Variants in SEMA3A observed in about 807,000 individuals in gnomAD.
SEMA3A encodes semaphorin 3A.
A neutral mutation model predicts 97.9 loss-of-function variants in SEMA3A; 29 were observed. That is an observed-to-expected ratio of 0.30 (90% confidence interval 0.22 to 0.40). The LOEUF is 0.40. Ranked by LOEUF, SEMA3A falls within the 10% of genes least tolerant of loss-of-function variation. The probability of loss-of-function intolerance (pLI) is 1.00; values close to 1 mark genes in which losing one functional copy is unlikely to be tolerated. For missense variants in SEMA3A, 763 were observed against 951.3 expected (o/e 0.80, Z 2.60); for synonymous variants, 321 against 323.7 (o/e 0.99, Z 0.09).
At chr7:84,200,776 G>T (rs578047665) in intron 3 of SEMA3A, among the ~76,000 whole-genome samples, 116 of 145,006 alleles carry the variant, frequency 8.0e-4, no homozygotes, top group African/African-American at 2.8e-3. Flanking sequence ...GTGAAACACT[G>T]AAAATACCTG....
intron 5 of SEMA3A, among the ~76,000 whole-genome samples, chr7:84,051,742 A>C (rs1430889250): frequency 6.6e-6 from 1 of 152,028 alleles, no homozygotes; most frequent in Non-Finnish European, 1.5e-5. Context: ...AACTTCCAAC[A>C]CTATGTTGAA....
chr7:84,153,317 T>C lies in SEMA3A; in HGVS notation c.113-18366A>G, dbSNP rs139625366. On this transcript the variant is annotated intron_variant, in intron 1 of 16. Coordinates refer to ENST00000265362, the MANE Select transcript of SEMA3A (RefSeq NM_006080.3). ...AGGCCTGTCATCCACATACATACAG[T>C]TGGTTATCATCTTTGTAGACATCAA... Among the ~76,000 whole-genome samples the C allele has an allele frequency of 2.6e-5, 4 of 152,246 alleles. No individual in the cohort carries two copies. In the East Asian group the frequency reaches 7.7e-4, roughly 29 times the overall value.
At chr7:84,089,708 A>T (rs1432190600) in intron 4 of SEMA3A, among the ~76,000 whole-genome samples, 1 of 152,050 alleles carries the variant, frequency 6.6e-6, no homozygotes, top group African/African-American at 2.4e-5. Flanking sequence ...TAATTATACA[A>T]TTCTAAAGGA....
At chr7:84,043,109 T>A (rs1162252189) in intron 6 of SEMA3A, among the ~76,000 whole-genome samples, 1 of 152,022 alleles carries the variant, frequency 6.6e-6, no homozygotes, top group Non-Finnish European at 1.5e-5. Context: ...TAAAACATTG[T>A]TATAACATTT....
chr7:84,487,657 T>G (rs1009040082), intron 1 of SEMA3A, among the ~76,000 whole-genome samples: 3 of 152,180 alleles, frequency 2.0e-5, no homozygotes, highest in African/African-American at 7.2e-5. Flanking sequence ...TGTGGATCTC[T>G]TTGACTAATG....
intron 2 of SEMA3A, among the ~76,000 whole-genome samples, chr7:84,370,967 C>A (rs1217680602): frequency 6.7e-6 from 1 of 149,634 alleles, no homozygotes; most frequent in South Asian, 2.1e-4. Flanking sequence ...GAACATATAA[C>A]CATATAGAAC....
chr7:84,370,406 C>T (rs1395747722), intron 2 of SEMA3A, among the ~76,000 whole-genome samples: 2 of 151,458 alleles, frequency 1.3e-5, no homozygotes, highest in Non-Finnish European at 3.0e-5. Flanking sequence ...AGTTTCCTTC[C>T]AGATTTATAT....
At position 84,135,590 on chromosome 7, in the gene SEMA3A, C is replaced by T. The variant is rs116987151; in HGVS notation, c.113-639G>A. Among the ~76,000 whole-genome samples, 201 of 152,228 alleles carry T rather than the reference C, an allele frequency of 1.3e-3. 1 individual carries two copies. The East Asian group carries it at 0.016, about 12-fold the overall frequency. On this transcript the variant is annotated intron_variant, in intron 1 of 16. Transcript: ENST00000265362. ...TTGTGTATAAATGTATTTAATTTTACAAAAACTTTTTAAAAGTGGTTTCAT... is the reference window on the plus strand; with the variant it reads ...TTGTGTATAAATGTATTTAATTTTATAAAAACTTTTTAAAAGTGGTTTCAT...
intron 2 of SEMA3A, among the ~76,000 whole-genome samples, chr7:84,324,856 C>T (rs967373445): frequency 2.6e-5 from 4 of 152,088 alleles, no homozygotes; most frequent in Non-Finnish European, 5.9e-5. Context: ...ATTCTTTCAA[C>T]ATTCAACAAA....
At chr7:84,220,553 A>T (rs1486088120) in intron 3 of SEMA3A, among the ~76,000 whole-genome samples, 1 of 152,166 alleles carries the variant, frequency 6.6e-6, no homozygotes, top group Non-Finnish European at 1.5e-5. Flanking sequence ...CTTAACTAAT[A>T]AGACTTGAAA....
chr7:84,027,770 C>G (rs1186440229), intron 6 of SEMA3A, among the ~76,000 whole-genome samples: 1 of 152,054 alleles, frequency 6.6e-6, no homozygotes, highest in Non-Finnish European at 1.5e-5. Flanking sequence ...TGACCATGAG[C>G]AAGTTAACAT....
intron 6 of SEMA3A, 118 bp from the exon 7 acceptor site, chr7:84,014,469 T>A (rs900368691): frequency 1.1e-5 from 8 of 729,266 alleles, no homozygotes; most frequent in Middle Eastern, 3.7e-4. Context: ...AACGTATCTT[T>A]CGTTTGTTCA....
At chr7:84,017,785 A>G (rs1291902795) in intron 6 of SEMA3A, among the ~76,000 whole-genome samples, 2 of 151,810 alleles carry the variant, frequency 1.3e-5, no homozygotes, top group African/African-American at 2.4e-5. Context: ...AAGTGTATTC[A>G]TCCCCTCACT....
At chr7:84,123,216 A>G (rs1017645279) in intron 3 of SEMA3A, among the ~76,000 whole-genome samples, 1 of 152,302 alleles carries the variant, frequency 6.6e-6, no homozygotes, top group South Asian at 2.1e-4. Context: ...ATCCATCAAT[A>G]GAAATGTTAC....
chr7:84,222,913 A>C (rs560819387), intron 3 of SEMA3A, among the ~76,000 whole-genome samples: 2 of 152,042 alleles, frequency 1.3e-5, no homozygotes, highest in African/African-American at 4.8e-5. Flanking sequence ...GTAGAACATA[A>C]TTATCTGTTC....
intron 1 of SEMA3A, among the ~76,000 whole-genome samples, chr7:84,168,014 T>C (rs1395761076): frequency 2.0e-5 from 3 of 152,144 alleles, no homozygotes; most frequent in African/African-American, 7.2e-5. Flanking sequence ...ATATTTACTG[T>C]TTTCATTCCT....
chr7:84,091,696 T>C (rs905435303), intron 4 of SEMA3A, among the ~76,000 whole-genome samples: 2 of 152,190 alleles, frequency 1.3e-5, no homozygotes, highest in African/African-American at 4.8e-5. Context: ...TAGAGAAAAC[T>C]GTTTTAATTT....
chr7:84,393,677 T>C (rs57996628), intron 1 of SEMA3A, among the ~76,000 whole-genome samples: 3,912 of 152,250 alleles, frequency 0.026, 159 homozygotes, highest in African/African-American at 0.088. Flanking sequence ...TGAGTTGTCA[T>C]GCCTGTTTTA....
chr7:84,079,619 C>T lies in SEMA3A; in HGVS notation c.454-19061G>A, dbSNP rs1300071693. Among the ~76,000 whole-genome samples the T allele has an allele frequency of 1.1e-4, 17 of 149,808 alleles. No individual in the cohort carries two copies. In the East Asian group the frequency reaches 1.4e-3, roughly 12 times the overall value. Reference sequence around the variant, plus strand: ...ATGAAAAAATGCTCATCATCACTGGCCATCAGAGAAATGCAAATCAAAACC... The same window carrying T: ...ATGAAAAAATGCTCATCATCACTGGTCATCAGAGAAATGCAAATCAAAACC... On this transcript the variant is annotated intron_variant, in intron 4 of 16. Transcript: ENST00000265362.
Sources: gnomAD v4.1 joint callset for allele counts (sites outside exome capture counted in the v4.1 genomes callset) on GRCh38, gnomAD v4.1.1 for gene constraint, MANE v1.5 for transcripts, NCBI Gene and HGNC (gene_info 2026-07-23, HGNC 2026-07-21) for gene names.